Variants in GPC5 observed in about 807,000 individuals in gnomAD.
GPC5 encodes the protein glypican-5.
In GPC5, 47 loss-of-function variants were observed where a neutral mutation model predicts 53.9. That is an observed-to-expected ratio of 0.87 (90% confidence interval 0.69 to 1.11). GPC5 has a LOEUF of 1.11. Ranked by LOEUF, GPC5 falls within the 50% of genes most tolerant of loss-of-function variation. The probability of loss-of-function intolerance (pLI) is 0.00; values close to 1 mark genes in which losing one functional copy is unlikely to be tolerated. For synonymous variants in GPC5, 286 were observed against 263.3 expected (o/e 1.09, Z -0.84); for missense variants, 748 against 713.1 (o/e 1.05, Z -0.56).
intron 7 of GPC5, among the ~76,000 whole-genome samples, chr13:92,424,261 T>TACAA (rs1276280121): frequency 1.3e-5 from 2 of 152,064 alleles, no homozygotes; most frequent in Non-Finnish European, 2.9e-5. Context: ...AACCAATTAT[T>TACAA]TATTCTTCTT....
At chr13:92,111,867 C>T (rs1341277242) in intron 6 of GPC5, among the ~76,000 whole-genome samples, 2 of 152,088 alleles carry the variant, frequency 1.3e-5, no homozygotes, top group Non-Finnish European at 2.9e-5. Flanking sequence ...AAAGGGAAAA[C>T]TATTTTGAAG....
At chr13:92,521,059 C>A (rs915460222) in intron 7 of GPC5, among the ~76,000 whole-genome samples, 2 of 152,100 alleles carry the variant, frequency 1.3e-5, no homozygotes, top group Non-Finnish European at 2.9e-5. Flanking sequence ...CTTAGGAATC[C>A]AACTTACAAG....
At chr13:92,377,991 T>G (rs2043708525) in intron 7 of GPC5, among the ~76,000 whole-genome samples, 1 of 152,186 alleles carries the variant, frequency 6.6e-6, no homozygotes, top group Admixed American at 6.6e-5. Context: ...CATGTAGAAG[T>G]TTATTCTCTC....
intron 7 of GPC5, among the ~76,000 whole-genome samples, chr13:92,199,731 C>T (rs2139058559): frequency 6.6e-6 from 1 of 152,188 alleles, no homozygotes; most frequent in South Asian, 2.1e-4. Flanking sequence ...AAGAGACTTG[C>T]CCCTTTGAAA....
chr13:92,038,585 A>T (rs1367828494), intron 6 of GPC5, among the ~76,000 whole-genome samples: 2 of 150,698 alleles, frequency 1.3e-5, no homozygotes, highest in Admixed American at 6.6e-5. Context: ...TATAGTATAG[A>T]TCATGCTCAT....
intron 4 of GPC5, among the ~76,000 whole-genome samples, chr13:91,755,559 T>C (rs1167966805): frequency 2.6e-5 from 4 of 152,128 alleles, no homozygotes; most frequent in Non-Finnish European, 2.9e-5. Flanking sequence ...AACTGAAAAG[T>C]TTTTGGTTTC....
At chr13:91,950,972 A>G (rs768054686) in intron 6 of GPC5, among the ~76,000 whole-genome samples, 4 of 152,104 alleles carry the variant, frequency 2.6e-5, no homozygotes, top group Non-Finnish European at 5.9e-5. Flanking sequence ...TTCTACTGCT[A>G]TTACTACTCC....
chr13:91,557,005 A>G (rs1487284700), intron 2 of GPC5, among the ~76,000 whole-genome samples: 1 of 152,078 alleles, frequency 6.6e-6, no homozygotes, highest in African/African-American at 2.4e-5. Context: ...GAAAGCTGCT[A>G]TGATCGTTTG....
chr13:92,053,659 A>T (rs1054212794), intron 6 of GPC5, among the ~76,000 whole-genome samples: 17 of 152,244 alleles, frequency 1.1e-4, no homozygotes, highest in African/African-American at 3.6e-4. Context: ...TACAAAATAC[A>T]TTGCTATACG....
intron 7 of GPC5, among the ~76,000 whole-genome samples, chr13:92,476,927 G>T (rs1879167110): frequency 6.8e-6 from 1 of 147,002 alleles, no homozygotes. Flanking sequence ...ATAGCATTGG[G>T]AGATATACCT....
chr13:91,478,088 A>G (rs1883035064), intron 2 of GPC5, among the ~76,000 whole-genome samples: 2 of 152,050 alleles, frequency 1.3e-5, no homozygotes, highest in African/African-American at 4.8e-5. Context: ...AGAACCTTTC[A>G]TATGAAAATT....
At chr13:91,489,342 A>T (rs1883800230) in intron 2 of GPC5, among the ~76,000 whole-genome samples, 1 of 152,144 alleles carries the variant, frequency 6.6e-6, no homozygotes, top group Non-Finnish European at 1.5e-5. Flanking sequence ...ACCCAGCTTT[A>T]AAATTTCTCT....
At chr13:92,828,659 C>T (rs1754264411) in intron 7 of GPC5, among the ~76,000 whole-genome samples, 1 of 152,090 alleles carries the variant, frequency 6.6e-6, no homozygotes, top group Admixed American at 6.6e-5. Context: ...GGAACATGAG[C>T]ATACACCATA....
At chr13:92,520,385 A>C (rs1475841119) in intron 7 of GPC5, among the ~76,000 whole-genome samples, 2 of 152,202 alleles carry the variant, frequency 1.3e-5, no homozygotes, top group Admixed American at 6.5e-5. Context: ...CCTCAATAAG[A>C]TACTGGCAAA....
chr13:92,614,743 T>C (rs1338447890), intron 7 of GPC5, among the ~76,000 whole-genome samples: 1 of 152,212 alleles, frequency 6.6e-6, no homozygotes, highest in Non-Finnish European at 1.5e-5. Context: ...AACCATTTTC[T>C]CAACAATGTA....
At chr13:91,401,392 A>G (rs17643188) in intron 1 of GPC5, among the ~76,000 whole-genome samples, 11,235 of 152,186 alleles carry the variant, frequency 0.074, 480 homozygotes, top group Middle Eastern at 0.13. Flanking sequence ...TATGATCTAC[A>G]ACATTTAACA....
At chr13:92,520,734 C>T (rs1019266451) in intron 7 of GPC5, among the ~76,000 whole-genome samples, 2 of 152,048 alleles carry the variant, frequency 1.3e-5, no homozygotes, top group Admixed American at 1.3e-4. Flanking sequence ...ACAGGGATGC[C>T]CTCTCTCACC....
intron 5 of GPC5, among the ~76,000 whole-genome samples, chr13:91,775,693 T>A (rs1255246481): frequency 6.6e-6 from 1 of 152,218 alleles, no homozygotes; most frequent in Non-Finnish European, 1.5e-5. Context: ...AACTGATCAT[T>A]TCTTTCTCTG....
chr13:92,561,533 G>A (rs894790859), intron 7 of GPC5, among the ~76,000 whole-genome samples: 3 of 151,972 alleles, frequency 2.0e-5, no homozygotes, highest in Admixed American at 2.0e-4. Flanking sequence ...TTAAAATAAT[G>A]CCTGGCATGT....
Sources: allele counts gnomAD v4.1 joint callset (sites outside exome capture counted in the v4.1 genomes callset), GRCh38; gene constraint gnomAD v4.1.1; transcripts MANE v1.5; gene names NCBI Gene and HGNC (gene_info 2026-07-23, HGNC 2026-07-21).